The following ADGRL2 variants were observed in gnomAD, a reference collection of about 807,000 sequenced individuals.
The protein encoded by ADGRL2 is calcium-independent alpha-latrotoxin receptor 2.
A neutral mutation model predicts 157.4 loss-of-function variants in ADGRL2; 44 were observed. The observed-to-expected ratio is 0.28, with a 90% CI of 0.22 to 0.36. ADGRL2 has a LOEUF of 0.36. ADGRL2 is among the 10% of genes least tolerant of loss of function. The pLI is 1.00. For synonymous variants in ADGRL2, 585 were observed against 624.7 expected (o/e 0.94, Z 0.95); for missense variants, 1,510 against 1,768.9 (o/e 0.85, Z 2.63).
At chr1:81,554,539 AC>A (rs2080227544) in intron 2 of ADGRL2, among the ~76,000 whole-genome samples, 1 of 151,922 alleles carries the variant, frequency 6.6e-6, no homozygotes, top group African/African-American at 2.4e-5. Context: ...AATAACTGGT[AC>A]ATACATCAAT....
intron 4 of ADGRL2, 136 bp from the exon 5 acceptor site, chr1:81,941,898 T>G: frequency 2.0e-6 from 1 of 491,836 alleles, no homozygotes; most frequent in Non-Finnish European, 3.6e-6. Flanking sequence ...TTATCCAAAG[T>G]AGTACAGCTC....
chr1:81,853,083 A>G (rs2093073853), intron 2 of ADGRL2, among the ~76,000 whole-genome samples: 1 of 152,162 alleles, frequency 6.6e-6, no homozygotes, highest in South Asian at 2.1e-4. Flanking sequence ...GCATTTTGAC[A>G]CTGCATTCTT....
intron 1 of ADGRL2, among the ~76,000 whole-genome samples, chr1:81,387,016 G>T (rs1322891141): frequency 1.3e-5 from 2 of 152,040 alleles, no homozygotes; most frequent in Non-Finnish European, 2.9e-5. Context: ...AGACAATCAT[G>T]GCCTTTTAAA....
At chr1:81,915,106 C>CT (rs1056517313) in intron 3 of ADGRL2, among the ~76,000 whole-genome samples, 4 of 151,896 alleles carry the variant, frequency 2.6e-5, no homozygotes, top group South Asian at 4.2e-4. Context: ...TTGGTTTCTC[C>CT]TTTTTTTTGA....
intron 2 of ADGRL2, among the ~76,000 whole-genome samples, chr1:81,768,478 TC>T (rs1282393491): frequency 9.8e-5 from 11 of 111,776 alleles, no homozygotes; most frequent in African/African-American, 4.5e-4. Context: ...ATGAAGTACC[TC>T]TTTTTTTTTT....
chr1:81,472,480 A>G lies in ADGRL2; in HGVS notation c.-248+27391A>G, dbSNP rs373320151. On this transcript the variant is annotated intron_variant, in intron 2 of 24. Transcript: ENST00000370721. Reference sequence around the variant, plus strand: ...ACCCTGTCTCTACTAAAATACAAAAAATTAGCCGGGGGTGGTGGCACACGC... The same window carrying G: ...ACCCTGTCTCTACTAAAATACAAAAGATTAGCCGGGGGTGGTGGCACACGC... Among the ~76,000 whole-genome samples the G allele has an allele frequency of 2.4e-4, 36 of 152,260 alleles. No homozygotes were observed. In the East Asian group the frequency reaches 5.4e-3, roughly 23 times the overall value.
chr1:81,859,318 T>C (rs1411432504), intron 2 of ADGRL2, among the ~76,000 whole-genome samples: 2 of 152,144 alleles, frequency 1.3e-5, no homozygotes, highest in Non-Finnish European at 2.9e-5. Flanking sequence ...GTAGTATTCT[T>C]TGAGTGTTGA....
chr1:81,776,158 T>G (rs2086572691), intron 2 of ADGRL2, among the ~76,000 whole-genome samples: 1 of 151,864 alleles, frequency 6.6e-6, no homozygotes, highest in Non-Finnish European at 1.5e-5. Flanking sequence ...GTTGTGTTTT[T>G]AAATGGAACT....
intron 3 of ADGRL2, among the ~76,000 whole-genome samples, chr1:81,915,964 T>C (rs1051566968): frequency 6.6e-6 from 1 of 152,178 alleles, no homozygotes; most frequent in Non-Finnish European, 1.5e-5. Flanking sequence ...GGTGTCTATA[T>C]CATCACATAC....
chr1:81,421,572 G>A lies in ADGRL2; in HGVS notation c.-301-23464G>A, dbSNP rs992517584. On this transcript the variant is annotated intron_variant, in intron 1 of 24. Coordinates refer to the ADGRL2 transcript ENST00000370721. Reference sequence around the variant, plus strand: ...CCTTTATACTGCATGTGCTTTCAAGGTGCTTTGCTCCTCTGTGGATCTGTC... The same window carrying A: ...CCTTTATACTGCATGTGCTTTCAAGATGCTTTGCTCCTCTGTGGATCTGTC... Among the ~76,000 whole-genome samples, 8 of 152,082 alleles carry A rather than the reference G, an allele frequency of 5.3e-5. 1 individual carries two copies. The highest frequency in any genetic ancestry group is 1.9e-4 in the African/African-American group (8 of 41,398).
At chr1:81,666,861 T>G (rs1318635150) in intron 3 of ADGRL2, among the ~76,000 whole-genome samples, 1 of 152,182 alleles carries the variant, frequency 6.6e-6, no homozygotes, top group Non-Finnish European at 1.5e-5. Flanking sequence ...AAGCTAATGC[T>G]AGGGATTGGA....
At chr1:81,317,564 A>T (rs757930557) in intron 1 of ADGRL2, among the ~76,000 whole-genome samples, 2 of 152,214 alleles carry the variant, frequency 1.3e-5, no homozygotes, top group Non-Finnish European at 2.9e-5. Flanking sequence ...GGAACATAGT[A>T]ACTCCTCTGT....
At chr1:81,949,578 C>G (rs1011196600) in intron 6 of ADGRL2, among the ~76,000 whole-genome samples, 1 of 152,140 alleles carries the variant, frequency 6.6e-6, no homozygotes, top group African/African-American at 2.4e-5. Flanking sequence ...GTAACGATGC[C>G]GAAGCCTGAG....
At chr1:81,833,959 G>A (rs2092121733) in intron 1 of ADGRL2, among the ~76,000 whole-genome samples, 1 of 152,166 alleles carries the variant, frequency 6.6e-6, no homozygotes, top group Non-Finnish European at 1.5e-5. Context: ...TGGTTTATAG[G>A]AACAAGATTA....
intron 1 of ADGRL2, among the ~76,000 whole-genome samples, chr1:81,744,987 G>A (rs1273519614): frequency 6.6e-6 from 1 of 152,250 alleles, no homozygotes; most frequent in East Asian, 1.9e-4. Context: ...ACAAACCAAA[G>A]TACTCCAGTG....
At chr1:81,521,064 G>C (rs1057503984) in intron 2 of ADGRL2, among the ~76,000 whole-genome samples, 10 of 152,310 alleles carry the variant, frequency 6.6e-5, no homozygotes, top group African/African-American at 2.4e-4. Flanking sequence ...AGAACTGCTA[G>C]CTGCAGGAAA....
At chr1:81,506,791 C>G (rs555157418) in intron 2 of ADGRL2, among the ~76,000 whole-genome samples, 2 of 152,238 alleles carry the variant, frequency 1.3e-5, no homozygotes, top group South Asian at 4.1e-4. Flanking sequence ...ACCAAAGGCC[C>G]TGTTAACGCC....
intron 1 of ADGRL2, among the ~76,000 whole-genome samples, chr1:81,372,504 C>T (rs1414085639): frequency 6.6e-6 from 1 of 152,160 alleles, no homozygotes; most frequent in Admixed American, 6.5e-5. Flanking sequence ...TTATCTGTTG[C>T]TGGATCGATT....
At chr1:81,821,741 A>G (rs751024950) in intron 1 of ADGRL2, among the ~76,000 whole-genome samples, 2 of 152,198 alleles carry the variant, frequency 1.3e-5, no homozygotes, top group Non-Finnish European at 2.9e-5. Context: ...TGAGAAGTGC[A>G]TCTTATCAAA....
Sources: gnomAD v4.1 joint callset for allele counts (sites outside exome capture counted in the v4.1 genomes callset) on GRCh38, gnomAD v4.1.1 for gene constraint, MANE v1.5 for transcripts, NCBI Gene and HGNC (gene_info 2026-07-23, HGNC 2026-07-21) for gene names.